Variants in CFAP77 observed in about 807,000 individuals in gnomAD.
The protein encoded by CFAP77 is cilia and flagella associated protein 77.
CFAP77 carries 25 observed loss-of-function variants against 31.1 expected under a neutral mutation model. The observed-to-expected ratio is 0.80, with a 90% CI of 0.59 to 1.12. The LOEUF (loss-of-function observed/expected upper bound fraction) is 1.12, where lower values mean the gene tolerates loss of function less well. Ranked by LOEUF, CFAP77 falls within the 50% of genes most tolerant of loss-of-function variation. The pLI, the probability that CFAP77 is intolerant of heterozygous loss-of-function variation, is 0.00. For missense variants in CFAP77, 377 were observed against 397.3 expected (o/e 0.95, Z 0.44); for synonymous variants, 151 against 159.9 (o/e 0.94, Z 0.42).
intron 1 of CFAP77, among the ~76,000 whole-genome samples, chr9:132,411,944 T>G (rs540939645): frequency 2.0e-5 from 3 of 152,268 alleles, no homozygotes; most frequent in African/African-American, 7.2e-5. Context: ...TTTACATCTA[T>G]CATATATACA....
intron 3 of CFAP77, among the ~76,000 whole-genome samples, chr9:132,514,754 A>G (rs1852116532): frequency 6.6e-6 from 1 of 152,196 alleles, no homozygotes; most frequent in South Asian, 2.1e-4. Context: ...TGGATCCACA[A>G]ACAATTAAAA....
chr9:132,521,701 A>C (rs1317226410), intron 3 of CFAP77, among the ~76,000 whole-genome samples: 1 of 150,320 alleles, frequency 6.7e-6, no homozygotes, highest in Admixed American at 6.6e-5. Flanking sequence ...CTCGAGAATC[A>C]TGCACTCCCA....
chr9:132,562,790 C>T (rs1829832265), intron 5 of CFAP77, among the ~76,000 whole-genome samples: 1 of 152,046 alleles, frequency 6.6e-6, no homozygotes, highest in Non-Finnish European at 1.5e-5. Context: ...ACCTCCGCCT[C>T]CCAGGTTCAA....
intron 3 of CFAP77, among the ~76,000 whole-genome samples, chr9:132,502,608 T>C (rs10120173): frequency 0.14 from 21,454 of 152,234 alleles, 1,670 homozygotes; most frequent in East Asian, 0.19. Flanking sequence ...GCTTATTTCA[T>C]TTATGTAATA....
chr9:132,415,852 C>T (rs1489617687), intron 1 of CFAP77, among the ~76,000 whole-genome samples: 6 of 152,118 alleles, frequency 3.9e-5, no homozygotes, highest in Admixed American at 6.6e-5. Flanking sequence ...TTGGAGGTCT[C>T]GTGAAATGTC....
At position 132,499,259 on chromosome 9, in the gene CFAP77, C is replaced by T. The variant is rs1851797525; in HGVS notation, c.296-113C>T. The T allele has an allele frequency of 1.1e-6, 1 of 900,406 alleles. No individual in the cohort carries two copies. The highest frequency in any genetic ancestry group is 1.7e-6 in the Non-Finnish European group (1 of 588,758). The allele number at this position is 900,406 out of a possible 1,614,324, so 55.8% of individuals were successfully genotyped here. On this transcript the variant is annotated intron_variant, in intron 2 of 5. Coordinates refer to ENST00000393216, the MANE Select transcript of CFAP77 (RefSeq NM_001282957.2). The surrounding 1 kb of genome is among the most constrained non-coding windows in gnomAD (Gnocchi z 5.4). Reference sequence around the variant, plus strand: ...AGGCAGGGTTGTCACCCAGTAGGCTCAGGTAAATGGGAAGGCCGAGGACCC... The same window carrying T: ...AGGCAGGGTTGTCACCCAGTAGGCTTAGGTAAATGGGAAGGCCGAGGACCC...
chr9:132,429,638 A>T (rs950292391), intron 1 of CFAP77, among the ~76,000 whole-genome samples: 1 of 148,822 alleles, frequency 6.7e-6, no homozygotes, highest in Non-Finnish European at 1.5e-5. Context: ...AGGTCAGGAG[A>T]TCAAGACCAT....
At chr9:132,434,511 A>T (rs1015537520) in intron 1 of CFAP77, among the ~76,000 whole-genome samples, 3 of 152,124 alleles carry the variant, frequency 2.0e-5, no homozygotes, top group African/African-American at 7.2e-5. Flanking sequence ...AAACATCTAG[A>T]TGTATTTTCG....
intron 5 of CFAP77, among the ~76,000 whole-genome samples, chr9:132,544,542 C>T (rs1852703546): frequency 6.8e-6 from 1 of 147,408 alleles, no homozygotes; most frequent in Non-Finnish European, 1.5e-5. Flanking sequence ...GTCACCCAGG[C>T]TGGCGTGCAG....
chr9:132,514,230 T>C (rs1852103399), intron 3 of CFAP77, among the ~76,000 whole-genome samples: 1 of 147,308 alleles, frequency 6.8e-6, no homozygotes, highest in Non-Finnish European at 1.5e-5. Context: ...CCCTTCCCTG[T>C]GTTATTGACC....
At chr9:132,503,638 G>A (rs1475096728) in intron 3 of CFAP77, among the ~76,000 whole-genome samples, 1 of 152,220 alleles carries the variant, frequency 6.6e-6, no homozygotes, top group Non-Finnish European at 1.5e-5. Context: ...CCTTGTGCCA[G>A]AGGTGGGCAG....
chr9:132,485,384 T>A (rs1238926803), intron 1 of CFAP77, among the ~76,000 whole-genome samples: 3 of 152,108 alleles, frequency 2.0e-5, no homozygotes, highest in Non-Finnish European at 2.9e-5. Flanking sequence ...TTGCCCAAGG[T>A]CACGCAGAGT....
chr9:132,499,448 C>A lies in CFAP77; in HGVS notation c.372C>A (p.Asn124Lys). 3.1e-6 allele frequency: 5 copies of A among 1,614,238 alleles called. No homozygotes were observed. The highest frequency in any genetic ancestry group is 4.2e-6 in the Non-Finnish European group (5 of 1,180,054). The change falls in exon 3 of 6, where the codon AAC (asparagine) becomes AAA (lysine). Residue 124 changes from asparagine (N) to lysine (K), a missense_variant. By Grantham distance (94) the Asn-to-Lys change is moderately conservative. Transcript: ENST00000393216. This position sits in a 1 kb window ranked among gnomAD's most constrained non-coding sequence, Gnocchi z 5.4. ...TGACCCGGAATTATATCGCAATGAA[C>A]CGCGGGGCGGTGAAAGCCGGCCTGG... The part of the protein sequence containing the change: ...HELTRNYIAM[N>K]RGAVKAGLVT...
At chr9:132,543,169 G>A (rs891554168) in intron 5 of CFAP77, 122 bp downstream of exon 5, 99 of 746,342 alleles carry the variant, frequency 1.3e-4, no homozygotes, top group East Asian at 8.0e-5. Context: ...TACAACAGCC[G>A]CAGCAGCAAT....
chr9:132,538,876 C>A (rs554991267), intron 4 of CFAP77, among the ~76,000 whole-genome samples: 6 of 151,938 alleles, frequency 3.9e-5, no homozygotes, highest in Non-Finnish European at 7.4e-5. Context: ...TCATGAGGTC[C>A]GGAGATCGAG....
At chr9:132,529,696 G>T (rs1280764897) in intron 3 of CFAP77, among the ~76,000 whole-genome samples, 1 of 151,462 alleles carries the variant, frequency 6.6e-6, no homozygotes, top group South Asian at 2.1e-4. Flanking sequence ...CGTGGTGGCA[G>T]GCACCTGTAA....
intron 1 of CFAP77, among the ~76,000 whole-genome samples, chr9:132,454,343 G>T (rs920332750): frequency 1.3e-5 from 2 of 152,060 alleles, no homozygotes; most frequent in South Asian, 4.1e-4. Context: ...CCAGGAAACC[G>T]AGGGCTTTCT....
chr9:132,448,508 A>G (rs1589856014), intron 1 of CFAP77, among the ~76,000 whole-genome samples: 1 of 152,324 alleles, frequency 6.6e-6, no homozygotes, highest in East Asian at 1.9e-4. Flanking sequence ...GCTGGTTGTG[A>G]GGATCCAGCA....
At position 132,410,255 on chromosome 9, in the gene CFAP77, C is replaced by T. The variant is rs1449324951; in HGVS notation, c.-17C>T. 1 of 1,546,648 alleles carries T rather than the reference C, an allele frequency of 6.5e-7. No individual in the cohort carries two copies. Among genetic ancestry groups the T allele is most frequent in the Non-Finnish European group, 8.7e-7 (1 of 1,149,100 alleles). On this transcript the variant is annotated 5_prime_UTR_variant, in exon 1 of 6. Coordinates refer to ENST00000393216, the MANE Select transcript of CFAP77 (RefSeq NM_001282957.2). ...GCCCAAACCAGCCCGCGGGCCGGCT[C>T]CCCGGCGACCTCAAGGATGCCAGAG...
Sources: allele counts gnomAD v4.1 joint callset (sites outside exome capture counted in the v4.1 genomes callset), GRCh38; gene constraint gnomAD v4.1.1; non-coding constraint Gnocchi (gnomAD v3.1); transcripts MANE v1.5; gene names NCBI Gene and HGNC (gene_info 2026-07-23, HGNC 2026-07-21).